Variants in SMPD4 observed in about 807,000 individuals in gnomAD.
SMPD4 encodes the protein sphingomyelin phosphodiesterase 4.
Under a neutral mutation model 97.8 loss-of-function variants are expected in SMPD4, and 58 were observed. That is an observed-to-expected ratio of 0.59 (90% confidence interval 0.48 to 0.74). The LOEUF is 0.74. Among genes scored for constraint, SMPD4 ranks in the 30% least tolerant of loss-of-function variants. The probability of loss-of-function intolerance (pLI) is 0.00; values close to 1 mark genes in which losing one functional copy is unlikely to be tolerated. For missense variants in SMPD4, 853 were observed against 1,080.5 expected, an observed-to-expected ratio of 0.79 and a Z score of 2.95; for synonymous variants, 388 against 450.0, an observed-to-expected ratio of 0.86 and a Z score of 1.74.
chr2:130,177,410 G>A (rs1689072895), intron 1 of SMPD4, among the ~76,000 whole-genome samples: 1 of 152,054 alleles, frequency 6.6e-6, no homozygotes, highest in South Asian at 2.1e-4. Flanking sequence ...TAGAAATGCT[G>A]TTCTCAGCCG....
At chr2:130,181,396 T>C in intron 1 of SMPD4, 134 bp downstream of exon 1, 3 of 1,466,972 alleles carry the variant, frequency 2.0e-6, no homozygotes, top group Non-Finnish European at 2.7e-6. Context: ...CTCCCCAGCC[T>C]GCCCTGCCTG....
At chr2:130,177,972 C>T (rs1689132833) in intron 1 of SMPD4, among the ~76,000 whole-genome samples, 1 of 152,170 alleles carries the variant, frequency 6.6e-6, no homozygotes. Context: ...CAATTAGAGT[C>T]CTAAGTTAGT....
At chr2:130,181,034 A>C (rs1446704370) in intron 1 of SMPD4, among the ~76,000 whole-genome samples, 1 of 152,186 alleles carries the variant, frequency 6.6e-6, no homozygotes, top group African/African-American at 2.4e-5. Flanking sequence ...GGGCAACGCT[A>C]ATCATTCCAA....
intron 9 of SMPD4, among the ~76,000 whole-genome samples, chr2:130,165,284 G>C (rs1199342548): frequency 6.6e-6 from 1 of 152,072 alleles, no homozygotes; most frequent in Non-Finnish European, 1.5e-5. Context: ...AGCCGGGCGT[G>C]GTGGCGCATG....
chr2:130,180,876 T>G (rs1689518997), intron 1 of SMPD4, among the ~76,000 whole-genome samples: 1 of 152,192 alleles, frequency 6.6e-6, no homozygotes, highest in East Asian at 1.9e-4. Flanking sequence ...GACTCTGCCA[T>G]GGCCACCCTC....
Position 130,157,393 on chromosome 2 carries a change from A to G in SMPD4, c.955T>C (p.Ser319Pro). 6.2e-7 allele frequency: 1 copy of G among 1,610,008 alleles called. No individual in the cohort carries two copies. ...ACATGCTCCTCAGTAGGCGTGAACG[A>G]CTCCTGGGTGGAGAAGGAGGGGTGA... ...SLQALHAYQE[S>P]FTPTEEHVLV... The change falls in exon 12 of 20, where the codon TCG becomes CCG. Residue 319 changes from serine (S) to proline (P), a missense_variant. Around this residue, in one of 3 missense-constraint regions of SMPD4, gnomAD observed 313 missense variants for 402.2 expected, o/e 0.78. Transcript: ENST00000680298.
intron 8 of SMPD4, 94 bp from the exon 9 acceptor site, chr2:130,167,684 G>T: frequency 7.2e-7 from 1 of 1,393,624 alleles, no homozygotes; most frequent in Non-Finnish European, 9.7e-7. Flanking sequence ...AAATCAACGA[G>T]AGCAGGGACA....
intron 3 of SMPD4, 93 bp from the exon 4 acceptor site, chr2:130,173,749 A>T: frequency 6.5e-7 from 1 of 1,537,916 alleles, no homozygotes; most frequent in Non-Finnish European, 8.9e-7. Context: ...GCTCCCTCTG[A>T]GGAAGCCACT....
chr2:130,158,871 G>T (rs2104826480), intron 11 of SMPD4, among the ~76,000 whole-genome samples: 1 of 152,178 alleles, frequency 6.6e-6, no homozygotes, highest in East Asian at 1.9e-4. Context: ...GTATGCTGTA[G>T]ACCCCGCACG....
chr2:130,177,812 C>A (rs1364121120), intron 1 of SMPD4, among the ~76,000 whole-genome samples: 1 of 152,122 alleles, frequency 6.6e-6, no homozygotes, highest in Non-Finnish European at 1.5e-5. Flanking sequence ...TTGTTATATA[C>A]CAGGACTCGC....
intron 11 of SMPD4, chr2:130,158,106 C>T: frequency 1.0e-6 from 1 of 997,206 alleles, no homozygotes; most frequent in South Asian, 1.6e-5. Context: ...TGCCACTGCA[C>T]TCCAGCGTGG....
chr2:130,180,421 G>A (rs1178810793), intron 1 of SMPD4, among the ~76,000 whole-genome samples: 2 of 151,990 alleles, frequency 1.3e-5, no homozygotes, highest in African/African-American at 2.4e-5. Flanking sequence ...ACAGGCGCCC[G>A]CTACCACGCC....
At chr2:130,177,482 G>A (rs1689080961) in intron 1 of SMPD4, among the ~76,000 whole-genome samples, 1 of 152,038 alleles carries the variant, frequency 6.6e-6, no homozygotes. Flanking sequence ...AGGATCACCT[G>A]AGGTCAGGAG....
rs746513633 is a variant in SMPD4, at chr2:130,167,535, G to A, written c.715C>T (p.Arg239Ter). 3.7e-6 allele frequency: 6 copies of A among 1,613,706 alleles called. No individual in the cohort carries two copies. The highest frequency in any genetic ancestry group is 1.3e-5 in the African/African-American group (1 of 74,904). Reference protein sequence around the residue: ...YGLHHTSLLKRHISHQTSVNA... With the variant: ...YGLHHTSLLK ...ACAGACGTCTGATGAGAGATGTGTC[G>A]CTTTAGGAGGCTAGTGTGGTGGAGG... The change falls in exon 9 of 20, where the codon CGA (arginine) becomes TGA (stop). Residue 239 changes from arginine (R) to a stop codon, truncating the protein, a stop_gained. Transcript: ENST00000680298. LOFTEE classifies it high-confidence loss of function.
At chr2:130,173,708 C>G (rs775815881) in intron 3 of SMPD4, 52 bp from the exon 4 acceptor site, 3 of 1,609,658 alleles carry the variant, frequency 1.9e-6, no homozygotes, top group South Asian at 2.2e-5. Flanking sequence ...CACTCCTGCC[C>G]CGGCTCTAGT....
Position 130,155,971 on chromosome 2 carries a change from C to T in SMPD4, c.1289+64G>A, listed in dbSNP as rs1431869509. On this transcript the variant is annotated intron_variant, in intron 14 of 19. Transcript: ENST00000680298. ...GCACAGGCCGCTGGCTTGGCCTCCACCCACTGGAACAATATCCACCTGGGG... is the reference window on the plus strand; with the variant it reads ...GCACAGGCCGCTGGCTTGGCCTCCATCCACTGGAACAATATCCACCTGGGG... 267 of 1,533,858 alleles carry T rather than the reference C, an allele frequency of 1.7e-4. 1 individual carries two copies. The highest frequency in any genetic ancestry group is 6.7e-5 in the Non-Finnish European group (75 of 1,115,386).
chr2:130,174,891 G>A (rs752586664), intron 3 of SMPD4, 23 bp downstream of exon 3: 1 of 1,532,188 alleles, frequency 6.5e-7, no homozygotes, highest in Non-Finnish European at 9.0e-7. Context: ...ATGCTCCAAA[G>A]AGAGACGTTA....
At chr2:130,174,814 T>C (rs1688813509) in intron 3 of SMPD4, 100 bp downstream of exon 3, 2 of 803,110 alleles carry the variant, frequency 2.5e-6, no homozygotes, top group Non-Finnish European at 4.3e-6. Context: ...TGCCAGGCAG[T>C]GCTCGGGGTT....
At position 130,161,254 on chromosome 2, in the gene SMPD4, G is replaced by T; in HGVS notation, c.883C>A (p.Arg295=). 6.2e-7 allele frequency: 1 copy of T among 1,613,454 alleles called. No individual in the cohort carries two copies. The highest frequency in any genetic ancestry group is 2.2e-5 in the East Asian group (1 of 44,848). The change falls in exon 11 of 20, where the codon CGA becomes AGA. Residue 295 remains arginine, a synonymous_variant. Transcript: ENST00000680298. Reference sequence around the variant, plus strand: ...TAGAGGGCGCTGGAGACACTGAGTCGGTAGTGCAGAACCTCCAGCTGAGAT... The same window carrying T: ...TAGAGGGCGCTGGAGACACTGAGTCTGTAGTGCAGAACCTCCAGCTGAGAT... ...PHAKLEVLHY[R]LSVSSALYSP...
Sources: allele counts gnomAD v4.1 joint callset (sites outside exome capture counted in the v4.1 genomes callset), GRCh38; gene constraint gnomAD v4.1.1; regional missense constraint gnomAD v4.1.1; transcripts MANE v1.5; gene names NCBI Gene and HGNC (gene_info 2026-07-23, HGNC 2026-07-21).